HERPUD2: variants seen among roughly 807,000 people sequenced by gnomAD.
HERPUD2 encodes homocysteine-responsive endoplasmic reticulum-resident ubiquitin-like domain member 2 protein.
HERPUD2 carries 13 observed loss-of-function variants against 49.9 expected under a neutral mutation model. The observed-to-expected ratio is 0.26, with a 90% CI of 0.17 to 0.41. HERPUD2 has a LOEUF of 0.41. Ranked by LOEUF, HERPUD2 falls within the 10% of genes least tolerant of loss-of-function variation. The pLI is 1.00. For missense variants in HERPUD2, 449 were observed against 492.2 expected, an observed-to-expected ratio of 0.91 and a Z score of 0.83; for synonymous variants, 172 against 171.4, an observed-to-expected ratio of 1.00 and a Z score of -0.03.
chr7:35,634,572 G>A (rs1417057929), intron 7 of HERPUD2, 143 bp from the exon 8 acceptor site: 1 of 553,888 alleles, frequency 1.8e-6, no homozygotes. Context: ...TTCAGGACAG[G>A]GAACTACCCT....
chr7:35,685,364 C>T (rs1245017393), intron 2 of HERPUD2, among the ~76,000 whole-genome samples: 15 of 148,714 alleles, frequency 1.0e-4, no homozygotes, highest in African/African-American at 3.7e-4. Context: ...TGCTCTGTCA[C>T]CCAGGCTGGA....
intron 5 of HERPUD2, among the ~76,000 whole-genome samples, chr7:35,662,519 T>C (rs1751531775): frequency 6.6e-6 from 1 of 152,188 alleles, no homozygotes; most frequent in Admixed American, 6.5e-5. Flanking sequence ...TTTTTTTGGT[T>C]GGTAGGCTAT....
chr7:35,665,559 C>T (rs1057300330), intron 5 of HERPUD2, among the ~76,000 whole-genome samples: 6 of 152,330 alleles, frequency 3.9e-5, no homozygotes, highest in East Asian at 3.9e-4. Context: ...CGACCCCTTG[C>T]GCTTCCCAGG....
intron 2 of HERPUD2, among the ~76,000 whole-genome samples, chr7:35,677,033 CTA>C (rs1785777312): frequency 1.3e-5 from 2 of 152,136 alleles, no homozygotes; most frequent in Admixed American, 6.5e-5. Flanking sequence ...AGAGATTTCT[CTA>C]TTTTTTTATA....
At chr7:35,681,846 G>C (rs954908032) in intron 2 of HERPUD2, among the ~76,000 whole-genome samples, 1 of 152,112 alleles carries the variant, frequency 6.6e-6, no homozygotes, top group African/African-American at 2.4e-5. Flanking sequence ...GAAGAAAAAA[G>C]AATGGGGAGT....
chr7:35,673,971 C>T (rs1386533016), intron 2 of HERPUD2, among the ~76,000 whole-genome samples: 1 of 151,992 alleles, frequency 6.6e-6, no homozygotes, highest in African/African-American at 2.4e-5. Flanking sequence ...AAAATTAAAG[C>T]GTCTGTATAT....
intron 2 of HERPUD2, among the ~76,000 whole-genome samples, chr7:35,685,875 C>T (rs1433653090): frequency 2.0e-5 from 3 of 151,808 alleles, no homozygotes; most frequent in East Asian, 3.9e-4. Flanking sequence ...GCTGGAGAAT[C>T]GCTTGAACCT....
At chr7:35,642,260 T>C (rs62454595) in intron 5 of HERPUD2, among the ~76,000 whole-genome samples, 2,899 of 152,226 alleles carry the variant, frequency 0.019, 50 homozygotes, top group Non-Finnish European at 0.029. Flanking sequence ...CATAATGAGA[T>C]ACCATATCAC....
intron 2 of HERPUD2, among the ~76,000 whole-genome samples, chr7:35,679,406 T>C (rs542666481): frequency 1.4e-4 from 22 of 152,270 alleles, no homozygotes; most frequent in African/African-American, 5.1e-4. Context: ...TAAAACCACC[T>C]ACACCTACTA....
intron 5 of HERPUD2, among the ~76,000 whole-genome samples, chr7:35,652,382 T>C (rs1423188973): frequency 6.6e-6 from 1 of 152,054 alleles, no homozygotes; most frequent in South Asian, 2.1e-4. Context: ...AATCCTCAAA[T>C]AGATACAATT....
chr7:35,646,101 C>A (rs1338490209), intron 5 of HERPUD2, among the ~76,000 whole-genome samples: 1 of 152,070 alleles, frequency 6.6e-6, no homozygotes, highest in Non-Finnish European at 1.5e-5. Context: ...TTTTGAACAA[C>A]TTCATATGAG....
intron 5 of HERPUD2, among the ~76,000 whole-genome samples, chr7:35,653,357 AT>A (rs775582970): frequency 7.2e-5 from 11 of 152,180 alleles, no homozygotes; most frequent in Non-Finnish European, 1.6e-4. Flanking sequence ...AAAGGGATCA[AT>A]TCAACAAAAA....
chr7:35,684,315 G>A (rs34022676), intron 2 of HERPUD2, among the ~76,000 whole-genome samples: 97,883 of 151,686 alleles, frequency 0.65, 32,785 homozygotes, highest in African/African-American at 0.83. Context: ...GCGTGAACCC[G>A]GGAGGCGGAG....
At chr7:35,646,043 G>A (rs1191601699) in intron 5 of HERPUD2, among the ~76,000 whole-genome samples, 1 of 152,136 alleles carries the variant, frequency 6.6e-6, no homozygotes, top group Non-Finnish European at 1.5e-5. Context: ...TAGGGAATGG[G>A]CTTTATCCAT....
chr7:35,667,927 C>T (rs1366830086), intron 4 of HERPUD2, among the ~76,000 whole-genome samples: 2 of 152,098 alleles, frequency 1.3e-5, no homozygotes, highest in African/African-American at 4.8e-5. Context: ...TGCAAAGCTC[C>T]TTTCATGATG....
At chr7:35,670,849 T>C (rs192925158) in intron 3 of HERPUD2, among the ~76,000 whole-genome samples, 14 of 152,270 alleles carry the variant, frequency 9.2e-5, no homozygotes, top group Admixed American at 7.2e-4. Flanking sequence ...ATTTAAACTA[T>C]ATTCTGTAAA....
rs532814722 is a variant in HERPUD2 at position 35,633,593 on chromosome 7, G to T, written c.*97C>A. ...GAAAAAAAACACCTCTGTACATGAT[G>T]ATCAAAAGAAAGTTATAAATTTTTT... On this transcript the variant is annotated 3_prime_UTR_variant, in exon 9 of 9. Coordinates refer to ENST00000311350, the MANE Select transcript of HERPUD2 (RefSeq NM_022373.5). 1.8e-6 allele frequency: 2 copies of T among 1,100,770 alleles called. No homozygotes were observed. The allele number at this position is 1,100,770 out of a possible 1,614,324, so 68.2% of individuals were successfully genotyped here.
intron 5 of HERPUD2, among the ~76,000 whole-genome samples, chr7:35,656,157 C>T (rs185635170): frequency 6.6e-6 from 1 of 151,884 alleles, no homozygotes; most frequent in African/African-American, 2.4e-5. Flanking sequence ...AGTGAAACTT[C>T]ATTTCAAAAA....
At chr7:35,649,643 G>A (rs1475759735) in intron 5 of HERPUD2, among the ~76,000 whole-genome samples, 3 of 152,152 alleles carry the variant, frequency 2.0e-5, no homozygotes, top group Non-Finnish European at 4.4e-5. Flanking sequence ...CAAAGCAGGG[G>A]CTTCCAGGTT....
Sources: gnomAD v4.1 joint callset for allele counts (sites outside exome capture counted in the v4.1 genomes callset) on GRCh38, gnomAD v4.1.1 for gene constraint, MANE v1.5 for transcripts, NCBI Gene and HGNC (gene_info 2026-07-23, HGNC 2026-07-21) for gene names.